Variants in CNTN2 observed in about 807,000 individuals in gnomAD.
CNTN2 encodes the protein contactin 2.
A neutral mutation model predicts 117.5 loss-of-function variants in CNTN2; 53 were observed. The ratio of observed to expected loss-of-function variants is 0.45; its 90% confidence interval spans 0.36 to 0.57. The LOEUF (loss-of-function observed/expected upper bound fraction) is 0.57. CNTN2 is among the 20% of genes least tolerant of loss of function. The pLI, the probability that CNTN2 is intolerant of heterozygous loss-of-function variation, is 0.00. For missense variants in CNTN2, 1,106 were observed against 1,404.3 expected (o/e 0.79, Z 3.39); for synonymous variants, 530 against 561.7 (o/e 0.94, Z 0.80).
intron 1 of CNTN2, among the ~76,000 whole-genome samples, chr1:205,052,357 G>A (rs2096454382): frequency 1.3e-5 from 2 of 152,242 alleles, no homozygotes; most frequent in African/African-American, 2.4e-5. Flanking sequence ...ACAGGCATCT[G>A]ACTTGCTCTC....
At chr1:205,050,722 G>GA (rs1190090197) in intron 1 of CNTN2, among the ~76,000 whole-genome samples, 1 of 152,162 alleles carries the variant, frequency 6.6e-6, no homozygotes, top group East Asian at 1.9e-4. Context: ...AAGTTCAAGT[G>GA]ATTCTCATGC....
chr1:205,066,297 C>T lies in CNTN2; in HGVS notation c.1817-144C>T, dbSNP rs560511811. The stretch of plus-strand genomic sequence containing the variant: ...GCCCCAACTGCCCACACCCCTTGCC[C>T]GCCCTCCCGCCTGGGTGTGTGTTCA... On this transcript the variant is annotated intron_variant, in intron 14 of 22. Transcript: ENST00000331830. The T allele has an allele frequency of 7.8e-4, 764 of 976,048 alleles. 2 individuals are homozygous for T. Among genetic ancestry groups the T allele is most frequent in the Middle Eastern group, 2.3e-3 (7 of 3,020 alleles). 60.5% of individuals were successfully genotyped at this position (976,048 alleles called of 1,614,324 possible). A position where few individuals can be genotyped will look rare whatever the true frequency, so the allele number is the denominator to read the frequency against.
chr1:205,069,782 A>C (rs763695502), intron 17 of CNTN2, 45 bp from the exon 18 acceptor site: 23 of 1,581,272 alleles, frequency 1.5e-5, no homozygotes, highest in Non-Finnish European at 2.0e-5. Flanking sequence ...ACGGGCAGGG[A>C]CACATGCCGC....
In CNTN2 at chr1:205,059,363, T is replaced by C; in HGVS notation, c.697+70T>C. On this transcript the variant is annotated intron_variant, in intron 6 of 22. Transcript: ENST00000331830. This position sits in a 1 kb window ranked among gnomAD's most constrained non-coding sequence, Gnocchi z 5.6. ...TCAGCGGGCATTAGGAAAAGGGTTT[T>C]TCCTTTGGAGATTGGAAGATCAGCT... The C allele has an allele frequency of 1.4e-6, 2 of 1,470,382 alleles. No individual in the cohort carries two copies. The highest frequency in any genetic ancestry group is 9.3e-7 in the Non-Finnish European group (1 of 1,070,204). The allele number at this position is 1,470,382 out of a possible 1,614,324, so 91.1% of individuals were successfully genotyped here.
rs1413670422 is a variant in CNTN2 at position 205,077,279 on chromosome 1, A to G, written c.*3514A>G. The G allele has an allele frequency of 6.6e-6, 1 of 152,310 alleles. No individual in the cohort carries two copies. The highest frequency in any genetic ancestry group is 1.5e-5 in the Non-Finnish European group (1 of 68,088). The allele number at this position is 152,310 out of a possible 1,614,324, so 9.4% of individuals were successfully genotyped here. A position where few individuals can be genotyped will look rare whatever the true frequency, so the allele number is the denominator to read the frequency against. On this transcript the variant is annotated 3_prime_UTR_variant, in exon 23 of 23. Coordinates refer to ENST00000331830, the MANE Select transcript of CNTN2 (RefSeq NM_005076.5). ...TATGCTGCCTCTTTAGGGCAGCCCC[A>G]AGGGCCAGCCAGCCTGTACTCTGGG...
intron 7 of CNTN2, chr1:205,060,001 C>G (rs1653887896): frequency 3.0e-6 from 1 of 330,700 alleles, no homozygotes; most frequent in Admixed American, 4.5e-5. Context: ...CTGTCTCATT[C>G]AGATCCCAGC....
Position 205,067,093 on chromosome 1 carries a change from C to T in CNTN2, c.1976-8C>T. On this transcript the variant is annotated splice_region_variant and splice_polypyrimidine_tract_variant and intron_variant, in intron 15 of 22. Coordinates refer to ENST00000331830, the MANE Select transcript of CNTN2 (RefSeq NM_005076.5). ...ATGCTGGAATATGGACTCCCTGGTG[C>T]CTTGCAGATCCTGCAAACATCGAGG... is the stretch of plus-strand genomic sequence containing the variant. 1.2e-6 allele frequency: 2 copies of T among 1,604,296 alleles called. No individual in the cohort carries two copies. The highest frequency in any genetic ancestry group is 1.7e-6 in the Non-Finnish European group (2 of 1,174,970).
intron 14 of CNTN2, 96 bp downstream of exon 14, chr1:205,066,005 A>C: frequency 7.7e-6 from 11 of 1,423,672 alleles, no homozygotes; most frequent in Non-Finnish European, 1.0e-5. Flanking sequence ...CCTTCCCTCA[A>C]AGCTGCGGGG....
At position 205,075,494 on chromosome 1, in the gene CNTN2, G is replaced by A. The variant is rs1046750652; in HGVS notation, c.*1729G>A. 9.8e-5 allele frequency: 15 copies of A among 152,690 alleles called. No individual in the cohort carries two copies. The highest frequency in any genetic ancestry group is 3.8e-4 in the East Asian group (2 of 5,202). The allele number at this position is 152,690 out of a possible 1,614,324, so 9.5% of individuals were successfully genotyped here. ...GGGGCAGCGGGACAGGCATCTTGAAGGGCATATGTCCTCGGAAGCTCCGAG... is the reference window on the plus strand; with the variant it reads ...GGGGCAGCGGGACAGGCATCTTGAAAGGCATATGTCCTCGGAAGCTCCGAG... On this transcript the variant is annotated 3_prime_UTR_variant, in exon 23 of 23. Coordinates refer to ENST00000331830, the MANE Select transcript of CNTN2 (RefSeq NM_005076.5).
intron 1 of CNTN2, among the ~76,000 whole-genome samples, chr1:205,044,757 G>A (rs1303043731): frequency 6.6e-6 from 1 of 152,180 alleles, no homozygotes; most frequent in African/African-American, 2.4e-5. Context: ...GCAGCAAAAG[G>A]TGGGCCACCT....
Position 205,065,789 on chromosome 1 carries a change from AAGG to A in CNTN2, c.1699_1701del (p.Glu567del). The A allele has an allele frequency of 6.2e-7, 1 of 1,613,830 alleles. No homozygotes were observed. The highest frequency in any genetic ancestry group is 8.5e-7 in the Non-Finnish European group (1 of 1,179,878). ...TGCCCCTAACTGTCCCCGTGTGCAG[AAGG>A]AGACCATTGGGGATCTGACCATCCT... is the stretch of plus-strand genomic sequence containing the variant. On this transcript the variant is annotated inframe_deletion and splice_region_variant, in exon 14 of 23. Transcript: ENST00000331830. The surrounding 1 kb of genome is among the most constrained non-coding windows in gnomAD (Gnocchi z 4.1).
At chr1:205,051,455 TTGCAAG>T (rs530311114) in intron 1 of CNTN2, among the ~76,000 whole-genome samples, 38 of 151,858 alleles carry the variant, frequency 2.5e-4, no homozygotes, top group Non-Finnish European at 5.2e-4. Context: ...GTCGGAGGGG[TTGCAAG>T]TGCAGAATGT....
intron 2 of CNTN2, among the ~76,000 whole-genome samples, chr1:205,053,700 G>T (rs908300620): frequency 4.6e-5 from 7 of 152,234 alleles, no homozygotes; most frequent in African/African-American, 1.7e-4. Flanking sequence ...TAGCCATATT[G>T]GATAGCACAC....
intron 10 of CNTN2, 115 bp downstream of exon 10, chr1:205,062,684 T>C: frequency 1.6e-6 from 2 of 1,260,878 alleles, no homozygotes; most frequent in Middle Eastern, 2.0e-4. Flanking sequence ...CCATTTTCCT[T>C]GGTTTTCCAA....
Position 205,075,137 on chromosome 1 carries a change from T to C in CNTN2, c.*1372T>C. On this transcript the variant is annotated 3_prime_UTR_variant, in exon 23 of 23. Coordinates refer to ENST00000331830, the MANE Select transcript of CNTN2 (RefSeq NM_005076.5). ...GGGTTAAGAACTCGAGTCTTCCACC[T>C]TTCTGTTCAAGGCTGTTTGTCTACC... 1 of 379,950 alleles carries C rather than the reference T, an allele frequency of 2.6e-6. No homozygotes were observed. The highest frequency in any genetic ancestry group is 1.5e-4 in the South Asian group (1 of 6,846). The allele number at this position is 379,950 out of a possible 1,614,324, so 23.5% of individuals were successfully genotyped here. A position where few individuals can be genotyped will look rare whatever the true frequency, so the allele number is the denominator to read the frequency against.
At chr1:205,072,687 C>A in intron 21 of CNTN2, 92 bp downstream of exon 21, 2 of 911,668 alleles carry the variant, frequency 2.2e-6, no homozygotes, top group Admixed American at 3.9e-5. Context: ...TAGCAAGAGG[C>A]ATCTGAGTGA....
chr1:205,064,575 G>T (rs1248221394), intron 11 of CNTN2, 48 bp from the exon 12 acceptor site: 1 of 1,606,332 alleles, frequency 6.2e-7, no homozygotes, highest in South Asian at 1.1e-5. Context: ...GCCAGCCCCA[G>T]GGACAACCAT....
intron 1 of CNTN2, among the ~76,000 whole-genome samples, chr1:205,052,853 G>A (rs1464192992): frequency 6.6e-6 from 1 of 152,188 alleles, no homozygotes; most frequent in African/African-American, 2.4e-5. Context: ...CCCACTGGCT[G>A]GAATGGGGGC....
Position 205,065,805 on chromosome 1 carries a change from A to T in CNTN2, c.1712A>T (p.Asp571Val). 6.6e-7 allele frequency: 1 copy of T among 1,508,070 alleles called. No individual in the cohort carries two copies. The highest frequency in any genetic ancestry group is 9.0e-7 in the Non-Finnish European group (1 of 1,106,328). The allele number at this position is 1,508,070 out of a possible 1,614,324, so 93.4% of individuals were successfully genotyped here. The change falls in exon 14 of 23, where the codon GAT becomes GTT. Residue 571 changes from aspartate to valine, a missense_variant. Physicochemically the swap from Asp to Val is radical, Grantham distance 152 (BLOSUM62 -3). Coordinates refer to ENST00000331830, the MANE Select transcript of CNTN2 (RefSeq NM_005076.5). This position sits in a 1 kb window ranked among gnomAD's most constrained non-coding sequence, Gnocchi z 4.1. Reference protein sequence around the residue: ...RRTNVKETIGDLTILNAQLRH... With the variant: ...RRTNVKETIGVLTILNAQLRH... Reference sequence around the variant, plus strand: ...CGTGTGCAGAAGGAGACCATTGGGGATCTGACCATCCTGAACGCCCAGCTG... The same window carrying T: ...CGTGTGCAGAAGGAGACCATTGGGGTTCTGACCATCCTGAACGCCCAGCTG...
Sources: gnomAD v4.1 joint callset for allele counts (sites outside exome capture counted in the v4.1 genomes callset) on GRCh38, gnomAD v4.1.1 for gene constraint, Gnocchi (gnomAD v3.1) non-coding constraint, MANE v1.5 for transcripts, NCBI Gene and HGNC (gene_info 2026-07-23, HGNC 2026-07-21) for gene names.